The following FIG4 variants were observed in gnomAD, a reference collection of about 807,000 sequenced individuals.
FIG4 encodes FIG4 phosphoinositide 5-phosphatase.
A neutral mutation model predicts 118.6 loss-of-function variants in FIG4; 112 were observed. The ratio of observed to expected loss-of-function variants is 0.94; its 90% CI spans 0.81 to 1.11. FIG4 has a LOEUF of 1.11. FIG4 is among the 50% of genes least tolerant of loss of function. FIG4 has a pLI of 0.00. For synonymous variants in FIG4, 369 were observed against 381.2 expected (o/e 0.97, Z 0.37); for missense variants, 969 against 1,111.7 (o/e 0.87, Z 1.83).
chr6:109,691,493 A>C lies in FIG4; in HGVS notation c.58A>C (p.Thr20Pro). 1 of 1,580,668 alleles carries C rather than the reference A, an allele frequency of 6.3e-7. No homozygotes were observed. Among genetic ancestry groups the C allele is most frequent in the South Asian group, 1.2e-5 (1 of 86,550 alleles). Reference protein sequence around the residue: ...SSVQKLVLYETRARYFLVGSN... With the variant: ...SSVQKLVLYEPRARYFLVGSN... ...GGTCCAGAAGCTGGTTCTGTATGAG[A>C]CTAGAGCTGTGAGTACCCCCTCGCG... Residue 20 changes from threonine to proline, a missense_variant, in exon 1 of 23, where the codon ACT (threonine) becomes CCT (proline). By Grantham distance (38) the Thr-to-Pro change is conservative (BLOSUM62 -1). Transcript: ENST00000230124.
chr6:109,696,358 C>A (rs988075055), intron 1 of FIG4, among the ~76,000 whole-genome samples: 1 of 152,072 alleles, frequency 6.6e-6, no homozygotes, highest in Admixed American at 6.5e-5. Context: ...TTTTATAATA[C>A]GCATTTTCCA....
chr6:109,795,594 C>A (rs1367682847), intron 21 of FIG4, among the ~76,000 whole-genome samples: 4 of 42,422 alleles, frequency 9.4e-5, no homozygotes, highest in Non-Finnish European at 2.4e-4. Context: ...TGGTTTCAGT[C>A]CTTTTTTTTT....
chr6:109,785,272 T>C (rs1217039035), intron 17 of FIG4, among the ~76,000 whole-genome samples: 2 of 152,228 alleles, frequency 1.3e-5, no homozygotes, highest in Non-Finnish European at 2.9e-5. Flanking sequence ...TGTCTTACAA[T>C]TATTATGTGT....
intron 12 of FIG4, 106 bp downstream of exon 12, chr6:109,762,313 G>C (rs922614246): frequency 1.4e-5 from 10 of 738,028 alleles, no homozygotes; most frequent in South Asian, 1.0e-4. Context: ...ATTTAGTCCT[G>C]GGGGGAGGCA....
chr6:109,724,600 A>T (rs929032170), intron 3 of FIG4, among the ~76,000 whole-genome samples: 2 of 152,096 alleles, frequency 1.3e-5, no homozygotes, highest in African/African-American at 4.8e-5. Flanking sequence ...TTTAGTTTTT[A>T]TCTTTCAGCC....
chr6:109,786,217 C>A, intron 17 of FIG4, 85 bp from the exon 18 acceptor site: 1 of 1,202,728 alleles, frequency 8.3e-7, no homozygotes. Context: ...TATCACAGTG[C>A]TGTCTGTGAA....
Position 109,751,671 on chromosome 6 carries a change from A to G in FIG4, c.1137+7899A>G, listed in dbSNP as rs544295990. Among the ~76,000 whole-genome samples the G allele has an allele frequency of 3.0e-4, 45 of 151,526 alleles. 1 individual carries two copies. The highest frequency in any genetic ancestry group is 1.0e-3 in the African/African-American group (42 of 41,310). ...GGTGTATGTGTGCAGGAATTTATCTATTTCTTCTAGATTTTCTAGTTTATT... is the reference window on the plus strand; with the variant it reads ...GGTGTATGTGTGCAGGAATTTATCTGTTTCTTCTAGATTTTCTAGTTTATT... On this transcript the variant is annotated intron_variant, in intron 10 of 22. Transcript: ENST00000230124.
Position 109,691,328 on chromosome 6 carries a change from T to A in FIG4, c.-108T>A. On this transcript the variant is annotated 5_prime_UTR_variant, in exon 1 of 23. Coordinates refer to ENST00000230124, the MANE Select transcript of FIG4 (RefSeq NM_014845.6). ...TATAGGTTTAGTGCCTAATGGGTGT[T>A]GTTCCTGGCTGGACTTGATGTCCAG... is the stretch of plus-strand genomic sequence containing the variant. 3.4e-6 allele frequency: 3 copies of A among 885,900 alleles called. No homozygotes were observed. Among genetic ancestry groups the A allele is most frequent in the Non-Finnish European group, 5.5e-6 (3 of 540,856 alleles). The allele number at this position is 885,900 out of a possible 1,614,324, so 54.9% of individuals were successfully genotyped here.
chr6:109,785,086 A>G lies in FIG4; in HGVS notation c.1948+58A>G, dbSNP rs1777915242. On this transcript the variant is annotated intron_variant, in intron 17 of 22. Coordinates refer to ENST00000230124, the MANE Select transcript of FIG4 (RefSeq NM_014845.6). ...TAACATATTTTGGCATTATACCTTAATGAACTTGAAGCATTAAATCCTTTG... is the reference window on the plus strand; with the variant it reads ...TAACATATTTTGGCATTATACCTTAGTGAACTTGAAGCATTAAATCCTTTG... 3.2e-6 allele frequency: 3 copies of G among 933,590 alleles called. No individual in the cohort carries two copies. In the African/African-American group the frequency reaches 4.8e-5, roughly 15 times the overall value. The allele number at this position is 933,590 out of a possible 1,614,324, so 57.8% of individuals were successfully genotyped here.
intron 22 of FIG4, among the ~76,000 whole-genome samples, chr6:109,813,945 G>A (rs73765007): frequency 0.082 from 12,478 of 152,154 alleles, 1,064 homozygotes; most frequent in African/African-American, 0.21. Flanking sequence ...TCAACAGATT[G>A]ACTGCAACCT....
At chr6:109,814,493 A>G (rs1778805786) in intron 22 of FIG4, among the ~76,000 whole-genome samples, 1 of 151,942 alleles carries the variant, frequency 6.6e-6, no homozygotes, top group South Asian at 2.1e-4. Flanking sequence ...GAGCTTTTCT[A>G]CTGTGAAGTT....
intron 7 of FIG4, among the ~76,000 whole-genome samples, chr6:109,739,000 C>G (rs527429409): frequency 1.3e-5 from 2 of 152,232 alleles, no homozygotes; most frequent in East Asian, 3.9e-4. Context: ...CCTTGGTGGT[C>G]AAGCTGAGGA....
Position 109,727,162 on chromosome 6 carries a change from A to G in FIG4, c.343A>G (p.Lys115Glu), listed in dbSNP as rs1775845768. Reference protein sequence around the residue: ...YYIVLITKRRKMADIGGHAIY... With the variant: ...YYIVLITKRREMADIGGHAIY... ...TATTGTGTTAATAACTAAAAGGAGG[A>G]AGATGGCGGATATTGGAGGTCATGC... Residue 115 changes from lysine (K) to glutamate (E), a missense_variant, in exon 4 of 23, where the codon AAG becomes GAG. Physicochemically the swap from Lys to Glu is moderately conservative, Grantham distance 56. This residue lies in a region of FIG4 where 393 missense variants were observed against 409.4 expected (regional missense o/e 0.96). Transcript: ENST00000230124. 6.2e-7 allele frequency: 1 copy of G among 1,611,200 alleles called. No individual in the cohort carries two copies. Among genetic ancestry groups the G allele is most frequent in the African/African-American group, 1.3e-5 (1 of 74,810 alleles).
rs1235324041 is a variant in FIG4, at chr6:109,742,980, CCT to C, written c.877-126_877-125del. 8.7e-6 allele frequency: 7 copies of C among 801,146 alleles called. No homozygotes were observed. The African/African-American group carries it at 1.2e-4, about 14-fold the overall frequency. 49.6% of individuals were successfully genotyped at this position (801,146 alleles called of 1,614,324 possible). A position where few individuals can be genotyped will look rare whatever the true frequency, so the allele number is the denominator to read the frequency against. On this transcript the variant is annotated intron_variant, in intron 8 of 22. Coordinates refer to ENST00000230124, the MANE Select transcript of FIG4 (RefSeq NM_014845.6). ...CATATTGAATATTGATCAATATTTA[CCT>C]CTCAAGACTTTCAAAGAATAGGAAT... is the stretch of plus-strand genomic sequence containing the variant.
chr6:109,781,325 A>C (rs1777794895), intron 16 of FIG4, among the ~76,000 whole-genome samples: 1 of 152,350 alleles, frequency 6.6e-6, no homozygotes, highest in South Asian at 2.1e-4. Flanking sequence ...TACTGGTTAA[A>C]TAGCCCCAGT....
intron 1 of FIG4, among the ~76,000 whole-genome samples, chr6:109,695,064 A>C (rs1175440518): frequency 6.6e-6 from 1 of 152,224 alleles, no homozygotes; most frequent in Non-Finnish European, 1.5e-5. Flanking sequence ...CAGTCCCACT[A>C]CTGGGTGTGT....
intron 10 of FIG4, among the ~76,000 whole-genome samples, chr6:109,749,763 C>A (rs1477855014): frequency 1.3e-5 from 2 of 152,074 alleles, no homozygotes; most frequent in African/African-American, 4.8e-5. Flanking sequence ...ATAATGTATT[C>A]TTTGCCAGGT....
intron 22 of FIG4, among the ~76,000 whole-genome samples, chr6:109,811,491 G>C (rs1431038825): frequency 1.3e-5 from 2 of 152,102 alleles, no homozygotes; most frequent in Non-Finnish European, 2.9e-5. Context: ...TCTAATAGTT[G>C]GAATCATTAA....
At chr6:109,712,550 A>G (rs1224492278) in intron 1 of FIG4, among the ~76,000 whole-genome samples, 1 of 152,024 alleles carries the variant, frequency 6.6e-6, no homozygotes, top group Admixed American at 6.6e-5. Flanking sequence ...AGTACTTGTG[A>G]TTACATTATG....
Sources: gnomAD v4.1 joint callset for allele counts (sites outside exome capture counted in the v4.1 genomes callset) on GRCh38, gnomAD v4.1.1 for gene constraint, gnomAD v4.1.1 regional missense constraint, MANE v1.5 for transcripts, NCBI Gene and HGNC (gene_info 2026-07-23, HGNC 2026-07-21) for gene names.